Variants in IFI44L observed in about 807,000 individuals in gnomAD.
The protein encoded by IFI44L is interferon induced protein 44 like, also known as interferon-induced protein 44-like.
In IFI44L, 40 loss-of-function variants were observed where a neutral mutation model predicts 39.3. The observed-to-expected ratio is 1.02, with a 90% CI of 0.79 to 1.33. The LOEUF is 1.33. Among genes scored for constraint, IFI44L ranks in the 40% most tolerant of loss-of-function variants. The probability of loss-of-function intolerance (pLI) is 0.00; values close to 1 mark genes in which losing one functional copy is unlikely to be tolerated. For synonymous variants in IFI44L, 198 were observed against 182.3 expected (o/e 1.09, Z -0.69); for missense variants, 623 against 549.0 (o/e 1.13, Z -1.35).
Position 78,641,972 on chromosome 1 carries a change from G to T in IFI44L, c.*163G>T, listed in dbSNP as rs1341683948. Reference sequence around the variant, plus strand: ...GTTCAAAGGCCAAAACCTGAGAAGCGGTGGGCTAAGATAGGTCCTACTGCA... The same window carrying T: ...GTTCAAAGGCCAAAACCTGAGAAGCTGTGGGCTAAGATAGGTCCTACTGCA... On this transcript the variant is annotated 3_prime_UTR_variant, in exon 9 of 9. Coordinates refer to ENST00000370751, the MANE Select transcript of IFI44L (RefSeq NM_006820.4). The T allele has an allele frequency of 2.6e-6, 2 of 765,112 alleles. No homozygotes were observed. Among genetic ancestry groups the T allele is most frequent in the East Asian group, 5.0e-5 (2 of 40,338 alleles). 47.4% of individuals were successfully genotyped at this position (765,112 alleles called of 1,614,324 possible).
chr1:78,628,778 A>G, intron 2 of IFI44L, 173 bp from the exon 3 acceptor site: 1 of 591,202 alleles, frequency 1.7e-6, no homozygotes, highest in South Asian at 2.2e-5. Flanking sequence ...GTTAATGTGC[A>G]GAGAGGATAA....
intron 5 of IFI44L, among the ~76,000 whole-genome samples, chr1:78,636,276 A>G (rs1652948096): frequency 6.6e-6 from 1 of 152,096 alleles, no homozygotes; most frequent in Non-Finnish European, 1.5e-5. Context: ...TAACAGCACA[A>G]TCCTTATCCT....
intron 4 of IFI44L, among the ~76,000 whole-genome samples, chr1:78,632,173 C>G (rs1652773794): frequency 6.6e-6 from 1 of 152,114 alleles, no homozygotes; most frequent in African/African-American, 2.4e-5. Flanking sequence ...CACAGACTTA[C>G]TCATTCATAC....
intron 4 of IFI44L, among the ~76,000 whole-genome samples, chr1:78,633,623 T>A (rs918984729): frequency 1.3e-5 from 2 of 152,096 alleles, no homozygotes; most frequent in Non-Finnish European, 2.9e-5. Flanking sequence ...TTGGAATAAG[T>A]ACCTACTTCC....
In IFI44L at chr1:78,637,216, G is replaced by A. The variant is rs200489087; in HGVS notation, c.1048+13G>A. ...GTATTAAACTGTGGTGAGTCTCACTGAACTTATAAAAAAATTTACTTTGAA... is the reference window on the plus strand; with the variant it reads ...GTATTAAACTGTGGTGAGTCTCACTAAACTTATAAAAAAATTTACTTTGAA... On this transcript the variant is annotated intron_variant, in intron 6 of 8. Coordinates refer to ENST00000370751, the MANE Select transcript of IFI44L (RefSeq NM_006820.4). 608 of 1,569,376 alleles carry A rather than the reference G, an allele frequency of 3.9e-4. 3 individuals carry two copies. The African/African-American group carries it at 7.8e-3, about 20-fold the overall frequency.
intron 7 of IFI44L, 29 bp downstream of exon 7, chr1:78,641,150 T>G: frequency 7.1e-7 from 1 of 1,404,102 alleles, no homozygotes; most frequent in Non-Finnish European, 1.0e-6. Context: ...AACCAGATAT[T>G]ATTGTAATAG....
At chr1:78,638,509 A>C (rs1299239340) in intron 6 of IFI44L, among the ~76,000 whole-genome samples, 1 of 151,874 alleles carries the variant, frequency 6.6e-6, no homozygotes, top group East Asian at 1.9e-4. Context: ...TTTTATATCT[A>C]TTTGCTCTTT....
chr1:78,644,984 A>T lies in IFI44L; in HGVS notation c.*3175A>T, dbSNP rs956341353. 3 of 152,188 alleles carry T rather than the reference A, an allele frequency of 2.0e-5. No individual in the cohort carries two copies. Among genetic ancestry groups the T allele is most frequent in the African/African-American group, 7.2e-5 (3 of 41,442 alleles). 9.4% of individuals were successfully genotyped at this position (152,188 alleles called of 1,614,324 possible). On this transcript the variant is annotated 3_prime_UTR_variant, in exon 9 of 9. Transcript: ENST00000370751. ...AGAAAAATAGAGCAGTTTGAGTTCT[A>T]TGAGGTATGCAGGCCCAGAGAGACA... is the stretch of plus-strand genomic sequence containing the variant.
rs1225045265 is a variant in IFI44L at position 78,629,904 on chromosome 1, A to G, written c.712A>G (p.Ile238Val). 6.2e-7 allele frequency: 1 copy of G among 1,612,610 alleles called. No individual in the cohort carries two copies. Among genetic ancestry groups the G allele is most frequent in the Non-Finnish European group, 8.5e-7 (1 of 1,179,088 alleles). The change falls in exon 4 of 9, where the codon ATA becomes GTA. Residue 238 changes from isoleucine (I) to valine (V), a missense_variant. Physicochemically the swap from Ile to Val is conservative, Grantham distance 29 (BLOSUM62 3). Transcript: ENST00000370751. Reference sequence around the variant, plus strand: ...CGTAGTGGGGTCTGATATCACCAGCATAACCGAGCGGGTAAGTTATTTCCC... The same window carrying G: ...CGTAGTGGGGTCTGATATCACCAGCGTAACCGAGCGGGTAAGTTATTTCCC... ...QAVVGSDITS[I>V]TERYRIYSVK...
chr1:78,628,916 T>C, intron 2 of IFI44L, 35 bp from the exon 3 acceptor site: 1 of 1,388,480 alleles, frequency 7.2e-7, no homozygotes, highest in Non-Finnish European at 1.0e-6. Context: ...CAAACAAGTT[T>C]TAAAAATGTA....
At chr1:78,623,412 T>G (rs273243) in intron 1 of IFI44L, among the ~76,000 whole-genome samples, 28,008 of 144,116 alleles carry the variant, frequency 0.19, 2,855 homozygotes, top group South Asian at 0.28. Flanking sequence ...TTTTTTTTTT[T>G]TTTTTTTTTT....
At chr1:78,634,744 A>G (rs1652875021) in intron 4 of IFI44L, among the ~76,000 whole-genome samples, 2 of 152,124 alleles carry the variant, frequency 1.3e-5, no homozygotes, top group African/African-American at 4.8e-5. Context: ...AATAGCTATA[A>G]GATTTTGTTA....
intron 1 of IFI44L, chr1:78,626,110 T>A (rs1186261498): frequency 2.0e-5 from 3 of 151,952 alleles, no homozygotes; most frequent in Admixed American, 6.6e-5. Flanking sequence ...TATCCTTTAA[T>A]CCCTTTTGCC....
At position 78,629,913 on chromosome 1, in the gene IFI44L, C is replaced by A. The variant is rs780019224; in HGVS notation, c.721C>A (p.Arg241=). Residue 241 remains arginine (R), a splice_region_variant and synonymous_variant, in exon 4 of 9, where the codon CGG becomes AGG. Transcript: ENST00000370751. ...GTCTGATATCACCAGCATAACCGAG[C>A]GGGTAAGTTATTTCCCTGAGGATTT... ...VGSDITSITE[R]YRIYSVKDGK... 1.2e-6 allele frequency: 2 copies of A among 1,610,192 alleles called. No individual in the cohort carries two copies. The highest frequency in any genetic ancestry group is 1.7e-6 in the Non-Finnish European group (2 of 1,177,676).
chr1:78,643,655 T>G lies in IFI44L; in HGVS notation c.*1846T>G, dbSNP rs757924404. 0.043 allele frequency: 4,221 copies of G among 97,880 alleles called. 71 individuals carry two copies. Among genetic ancestry groups the G allele is most frequent in the Non-Finnish European group, 0.045 (1,818 of 40,100 alleles). 6.1% of individuals were successfully genotyped at this position (97,880 alleles called of 1,614,324 possible). A position where few individuals can be genotyped will look rare whatever the true frequency, so the allele number is the denominator to read the frequency against. ...GTTTTGTTTTTTTTTTGTTGTTGTTTTTTTTTTTTTTTGTTTTTTTGCTGA... is the reference window on the plus strand; with the variant it reads ...GTTTTGTTTTTTTTTTGTTGTTGTTGTTTTTTTTTTTTGTTTTTTTGCTGA... On this transcript the variant is annotated 3_prime_UTR_variant, in exon 9 of 9. Transcript: ENST00000370751.
Position 78,628,049 on chromosome 1 carries a change from G to A in IFI44L, c.134G>A (p.Ser45Asn). The A allele has an allele frequency of 6.2e-7, 1 of 1,613,190 alleles. No homozygotes were observed. ...ATTGAAGATATGGTTGAAAGATGCA[G>A]CCGTCAGGGATGTACTATAACAATG... ...GSIEDMVERCSRQGCTITMAY... is the reference protein window; with the variant it reads ...GSIEDMVERCNRQGCTITMAY... Residue 45 changes from serine (S) to asparagine (N), a missense_variant, in exon 2 of 9, where the codon AGC becomes AAC. Coordinates refer to ENST00000370751, the MANE Select transcript of IFI44L (RefSeq NM_006820.4).
chr1:78,639,573 T>A (rs940753269), intron 6 of IFI44L, among the ~76,000 whole-genome samples: 2 of 152,108 alleles, frequency 1.3e-5, no homozygotes, highest in Non-Finnish European at 2.9e-5. Flanking sequence ...AGAGAGCTCA[T>A]CTCTGTATTG....
chr1:78,638,569 T>A (rs1653036925), intron 6 of IFI44L, among the ~76,000 whole-genome samples: 1 of 152,150 alleles, frequency 6.6e-6, no homozygotes, highest in Non-Finnish European at 1.5e-5. Flanking sequence ...ATTCACTTGT[T>A]CATCACTTTG....
At chr1:78,636,490 C>G (rs1652955486) in intron 5 of IFI44L, among the ~76,000 whole-genome samples, 1 of 152,078 alleles carries the variant, frequency 6.6e-6, no homozygotes, top group Non-Finnish European at 1.5e-5. Flanking sequence ...TTTCCTTAAT[C>G]TTAGAAAGAT....
Sources: gnomAD v4.1 joint callset for allele counts (sites outside exome capture counted in the v4.1 genomes callset) on GRCh38, gnomAD v4.1.1 for gene constraint, MANE v1.5 for transcripts, NCBI Gene and HGNC (gene_info 2026-07-23, HGNC 2026-07-21) for gene names.